Variants in ABCB1 observed in about 807,000 individuals in gnomAD.
ABCB1 encodes the protein ATP-dependent translocase ABCB1.
Under a neutral mutation model 142.0 loss-of-function variants are expected in ABCB1, and 69 were observed. That is an observed-to-expected ratio of 0.49 (90% CI 0.40 to 0.59). The LOEUF (loss-of-function observed/expected upper bound fraction) is 0.59. Ranked by LOEUF, ABCB1 falls within the 20% of genes least tolerant of loss-of-function variation. The pLI is 0.00. For synonymous variants in ABCB1, 532 were observed against 539.2 expected, an observed-to-expected ratio of 0.99 and a Z score of 0.18; for missense variants, 1,326 against 1,554.7, an observed-to-expected ratio of 0.85 and a Z score of 2.47.
intron 1 of ABCB1, among the ~76,000 whole-genome samples, chr7:87,706,559 G>A (rs1311977502): frequency 6.6e-6 from 1 of 152,166 alleles, no homozygotes; most frequent in African/African-American, 2.4e-5. Context: ...ATATAAGGGA[G>A]CAACCAAGGC....
intron 21 of ABCB1, chr7:87,522,111 T>C: frequency 7.6e-7 from 1 of 1,307,302 alleles, no homozygotes; most frequent in African/African-American, 1.4e-5. Flanking sequence ...ACAACTTTGG[T>C]CGTGGAGGAA....
chr7:87,563,475 T>C, intron 7 of ABCB1: 1 of 395,292 alleles, frequency 2.5e-6, no homozygotes, highest in South Asian at 1.9e-5. Context: ...CATGATCAAG[T>C]AGGCTTTATC....
intron 14 of ABCB1, among the ~76,000 whole-genome samples, chr7:87,547,054 A>G (rs1475426407): frequency 6.6e-6 from 1 of 152,186 alleles, no homozygotes; most frequent in Non-Finnish European, 1.5e-5. Context: ...TCATAAAGGA[A>G]CAGAGCCAGA....
chr7:87,689,573 A>G (rs566426315), intron 1 of ABCB1, among the ~76,000 whole-genome samples: 10 of 152,292 alleles, frequency 6.6e-5, no homozygotes, highest in African/African-American at 2.2e-4. Context: ...ATTAGCTAAT[A>G]TTGCTAATAT....
chr7:87,530,556 GAAA>G (rs960699909), intron 21 of ABCB1, among the ~76,000 whole-genome samples: 1 of 148,532 alleles, frequency 6.7e-6, no homozygotes, highest in Non-Finnish European at 1.5e-5. Flanking sequence ...TAAATAATGG[GAAA>G]AAAAAGACAA....
intron 4 of ABCB1, among the ~76,000 whole-genome samples, chr7:87,585,140 T>G (rs1818683890): frequency 6.6e-6 from 1 of 152,212 alleles, no homozygotes; most frequent in Admixed American, 6.5e-5. Flanking sequence ...CTAAAAACTT[T>G]AGAATCATCC....
chr7:87,516,924 T>TG (rs1234942215), intron 23 of ABCB1, among the ~76,000 whole-genome samples: 2 of 151,498 alleles, frequency 1.3e-5, no homozygotes, highest in African/African-American at 2.4e-5. Flanking sequence ...TTTGTAGAGA[T>TG]GGGGGTCTCC....
chr7:87,656,703 A>C (rs7790798), intron 1 of ABCB1, among the ~76,000 whole-genome samples: 2,471 of 152,202 alleles, frequency 0.016, 72 homozygotes, highest in African/African-American at 0.056. Context: ...TAATTATTTA[A>C]TTTCATTTAT....
In ABCB1 at chr7:87,539,260, A is replaced by T. The variant is rs187910292; in HGVS notation, c.2397+8T>A. The T allele has an allele frequency of 3.7e-6, 6 of 1,613,756 alleles. No individual in the cohort carries two copies. The Admixed American group carries it at 1.0e-4, about 27-fold the overall frequency. On this transcript the variant is annotated splice_region_variant and intron_variant, in intron 19 of 27. Coordinates refer to ENST00000622132, the MANE Select transcript of ABCB1 (RefSeq NM_001348946.2). ...CACATCCCAGGGCACAGCCCTCGAT[A>T]GACATACCTGTCTGAGCATGGATCG...
chr7:87,661,796 GTTTAAT>G (rs1447995671), intron 1 of ABCB1, among the ~76,000 whole-genome samples: 2 of 151,872 alleles, frequency 1.3e-5, no homozygotes, highest in Non-Finnish European at 2.9e-5. Context: ...TCATATGGTA[GTTTAAT>G]TTTAAGTTTT....
At chr7:87,654,517 T>G (rs1395479601) in intron 1 of ABCB1, among the ~76,000 whole-genome samples, 1 of 152,138 alleles carries the variant, frequency 6.6e-6, no homozygotes, top group Non-Finnish European at 1.5e-5. Context: ...TTGAGACAAC[T>G]GGTTAGCCAC....
At chr7:87,519,802 A>G (rs1022368813) in intron 22 of ABCB1, among the ~76,000 whole-genome samples, 7 of 152,234 alleles carry the variant, frequency 4.6e-5, no homozygotes, top group African/African-American at 1.7e-4. Context: ...GACACACAGT[A>G]TGGAAGTACT....
At chr7:87,634,651 A>C (rs1185338087) in intron 1 of ABCB1, among the ~76,000 whole-genome samples, 1 of 152,028 alleles carries the variant, frequency 6.6e-6, no homozygotes, top group Non-Finnish European at 1.5e-5. Context: ...AAAAAAAAGA[A>C]CTTTAAATCC....
chr7:87,546,721 C>T (rs567526895), intron 14 of ABCB1, among the ~76,000 whole-genome samples: 5 of 152,194 alleles, frequency 3.3e-5, no homozygotes, highest in South Asian at 2.1e-4. Context: ...TATCCTATCC[C>T]GCATGACCCC....
Position 87,516,244 on chromosome 7 carries a change from T to C in ABCB1, c.3084+265A>G, listed in dbSNP as rs1404751969. 2.0e-5 allele frequency among the ~76,000 whole-genome samples: 3 copies of C among 152,162 alleles called. No homozygotes were observed. The East Asian group carries it at 5.8e-4, about 29-fold the overall frequency. ...CTGGATGACAGAGTAAGACTCTGTC[T>C]CTAAAAAAAAATTGTTTTTAAAAAA... On this transcript the variant is annotated intron_variant, in intron 24 of 27. Coordinates refer to ENST00000622132, the MANE Select transcript of ABCB1 (RefSeq NM_001348946.2).
At chr7:87,530,422 T>C (rs1050687630) in intron 21 of ABCB1, among the ~76,000 whole-genome samples, 2 of 151,970 alleles carry the variant, frequency 1.3e-5, no homozygotes, top group African/African-American at 4.8e-5. Flanking sequence ...AGCTCTAAAG[T>C]CCAGAGCCAT....
chr7:87,626,287 CAT>C lies in ABCB1; in HGVS notation c.-330-25211_-330-25210del, dbSNP rs1289460385. Among the ~76,000 whole-genome samples, 7 of 56,286 alleles carry C rather than the reference CAT, an allele frequency of 1.2e-4. 2 individuals are homozygous for C. 36.9% of individuals were successfully genotyped at this position (56,286 alleles called of 152,430 possible). On this transcript the variant is annotated intron_variant, in intron 1 of 28. Coordinates refer to the ABCB1 transcript ENST00000265724. ...TCATATATGTGTCATATATATGTGT[CAT>C]ATATGTGTCATATATATGTGTCGTA...
At chr7:87,656,676 A>T (rs1824136899) in intron 1 of ABCB1, among the ~76,000 whole-genome samples, 1 of 152,144 alleles carries the variant, frequency 6.6e-6, no homozygotes, top group Admixed American at 6.6e-5. Flanking sequence ...GACTTAATTG[A>T]TAGTTTAAAA....
chr7:87,579,728 C>A (rs1002508139), intron 4 of ABCB1, among the ~76,000 whole-genome samples: 1 of 151,930 alleles, frequency 6.6e-6, no homozygotes, highest in Admixed American at 6.6e-5. Context: ...TTCCTTCTTT[C>A]GTTCTTTCTT....
Sources: gnomAD v4.1 joint callset for allele counts (sites outside exome capture counted in the v4.1 genomes callset) on GRCh38, gnomAD v4.1.1 for gene constraint, MANE v1.5 for transcripts, NCBI Gene and HGNC (gene_info 2026-07-23, HGNC 2026-07-21) for gene names.